The following OR4C6 variants were observed in gnomAD, a reference collection of about 807,000 sequenced individuals.
OR4C6 encodes the protein olfactory receptor 4C6.
Under a neutral mutation model 13.9 loss-of-function variants are expected in OR4C6, and 20 were observed. The ratio of observed to expected loss-of-function variants is 1.43; its 90% confidence interval spans 1.01 to 2.08. The LOEUF is 2.08. OR4C6 is among the 30% of genes most tolerant of loss of function. OR4C6 has a pLI of 0.00. For missense variants in OR4C6, 555 were observed against 381.2 expected (o/e 1.46, Z -3.80); for synonymous variants, 193 against 141.5 (o/e 1.36, Z -2.58).
rs770809572 is a variant in OR4C6 at position 55,665,543 on chromosome 11, A to G, written c.377A>G (p.Lys126Arg). Reference sequence around the variant, plus strand: ...TATGACCGCTACGTGGCCATCTGTAAGCCCCTGCACTACACGATCATCATG... The same window carrying G: ...TATGACCGCTACGTGGCCATCTGTAGGCCCCTGCACTACACGATCATCATG... ...MAYDRYVAIC[K>R]PLHYTIIMSP... Residue 126 changes from lysine (K) to arginine (R), a missense_variant, in exon 2 of 2, where the codon AAG (lysine) becomes AGG (arginine). Transcript: ENST00000314259. 4 of 1,613,854 alleles carry G rather than the reference A, an allele frequency of 2.5e-6. No homozygotes were observed. Among genetic ancestry groups the G allele is most frequent in the Non-Finnish European group, 3.4e-6 (4 of 1,180,002 alleles).
Position 55,665,339 on chromosome 11 carries a change from A to AT in OR4C6, c.180dup (p.Leu61SerfsTer59), listed in dbSNP as rs781182602. ...AGTCAGAGTCTGAGGTCACCTATGT[A>AT]TTTTTTTCTTACCTTCTTGTCCCTT... On this transcript the variant is annotated frameshift_variant, in exon 2 of 2. Coordinates refer to ENST00000314259, the MANE Select transcript of OR4C6 (RefSeq NM_001004704.2). LOFTEE classifies it high-confidence loss of function. 3.7e-6 allele frequency: 6 copies of AT among 1,613,428 alleles called. No homozygotes were observed. Among genetic ancestry groups the AT allele is most frequent in the Non-Finnish European group, 4.2e-6 (5 of 1,179,832 alleles).
In OR4C6 at chr11:55,665,559, G is replaced by T; in HGVS notation, c.393G>T (p.Thr131=). The change falls in exon 2 of 2, where the codon ACG becomes ACT. Residue 131 remains threonine (T), a synonymous_variant. Transcript: ENST00000314259. ...YVAICKPLHY[T]IIMSPRVCCL... Reference sequence around the variant, plus strand: ...CCATCTGTAAGCCCCTGCACTACACGATCATCATGAGTCCACGGGTGTGCT... The same window carrying T: ...CCATCTGTAAGCCCCTGCACTACACTATCATCATGAGTCCACGGGTGTGCT... The T allele has an allele frequency of 1.2e-6, 2 of 1,613,878 alleles. No homozygotes were observed. Among genetic ancestry groups the T allele is most frequent in the Non-Finnish European group, 1.7e-6 (2 of 1,180,000 alleles).
chr11:55,665,788 A>G lies in OR4C6; in HGVS notation c.622A>G (p.Ile208Val). ...CAACAGTGGGATGATGTGTGTGGCC[A>G]TCTTTCTTATCTTAATTGCGTCCTA... ...TLNSGMMCVA[I>V]FLILIASYTV... Residue 208 changes from isoleucine to valine, a missense_variant, in exon 2 of 2, where the codon ATC becomes GTC. Transcript: ENST00000314259. The G allele has an allele frequency of 6.2e-7, 1 of 1,613,938 alleles. No homozygotes were observed. The highest frequency in any genetic ancestry group is 1.1e-5 in the South Asian group (1 of 91,080).
Position 55,665,593 on chromosome 11 carries a change from G to A in OR4C6, c.427G>A (p.Val143Ile). ...GAGTCCACGGGTGTGCTGCCTAATG[G>A]TAGGAGGGGCTTGGGTGGGGGGATT... Reference protein sequence around the residue: ...IMSPRVCCLMVGGAWVGGFMH... With the variant: ...IMSPRVCCLMIGGAWVGGFMH... Residue 143 changes from valine to isoleucine, a missense_variant, in exon 2 of 2, where the codon GTA becomes ATA. Val to Ile is a conservative substitution (Grantham distance 29). Transcript: ENST00000314259. 6.2e-7 allele frequency: 1 copy of A among 1,613,910 alleles called. No individual in the cohort carries two copies. The highest frequency in any genetic ancestry group is 8.5e-7 in the Non-Finnish European group (1 of 1,179,992).
Position 55,665,157 on chromosome 11 carries a change from C to T in OR4C6, c.-10C>T. 1 of 1,574,080 alleles carries T rather than the reference C, an allele frequency of 6.4e-7. No individual in the cohort carries two copies. The highest frequency in any genetic ancestry group is 8.7e-7 in the Non-Finnish European group (1 of 1,149,748). On this transcript the variant is annotated 5_prime_UTR_variant, in exon 2 of 2. Transcript: ENST00000314259. ...AACTCTCAGCTGGAACTCATATCAA[C>T]ACCTGAGAAATGGAAAATCAAAACA...
intron 1 of OR4C6, 47 bp from the exon 2 acceptor site, chr11:55,665,078 A>G (rs1858718870): frequency 8.4e-6 from 7 of 831,482 alleles, no homozygotes; most frequent in Non-Finnish European, 1.3e-5. Flanking sequence ...TGGAAATACA[A>G]GAAGCCAAAT....
Position 55,665,851 on chromosome 11 carries a change from A to G in OR4C6, c.685A>G (p.Lys229Glu). 6.2e-7 allele frequency: 1 copy of G among 1,613,818 alleles called. No individual in the cohort carries two copies. The highest frequency in any genetic ancestry group is 2.2e-5 in the East Asian group (1 of 44,860). Residue 229 changes from lysine to glutamate, a missense_variant, in exon 2 of 2, where the codon AAA becomes GAA. Transcript: ENST00000314259. Reference sequence around the variant, plus strand: ...ATGCTCCCTGAAGTCTTACAGCTCTAAAGGGCGGCACAAAGCCCTCTCTAC... The same window carrying G: ...ATGCTCCCTGAAGTCTTACAGCTCTGAAGGGCGGCACAAAGCCCTCTCTAC... Reference protein sequence around the residue: ...ILCSLKSYSSKGRHKALSTCS... With the variant: ...ILCSLKSYSSEGRHKALSTCS...
rs202011136 is a variant in OR4C6 at position 55,665,575 on chromosome 11, C to A, written c.409C>A (p.Arg137=). ...GCACTACACGATCATCATGAGTCCA[C>A]GGGTGTGCTGCCTAATGGTAGGAGG... ...PLHYTIIMSP[R]VCCLMVGGAW... Residue 137 remains arginine (R), a synonymous_variant, in exon 2 of 2, where the codon CGG becomes AGG. Transcript: ENST00000314259. 3 of 1,613,888 alleles carry A rather than the reference C, an allele frequency of 1.9e-6. No homozygotes were observed. The highest frequency in any genetic ancestry group is 2.5e-6 in the Non-Finnish European group (3 of 1,179,984).
intron 1 of OR4C6, 58 bp downstream of exon 1, chr11:55,662,306 G>T (rs1370055196): frequency 7.2e-6 from 1 of 138,468 alleles, no homozygotes; most frequent in Non-Finnish European, 1.6e-5. Flanking sequence ...GGTAAAAGAT[G>T]ACAGTTAGAA....
chr11:55,664,143 C>G lies in OR4C6; in HGVS notation c.-42-982C>G, dbSNP rs575525366. On this transcript the variant is annotated intron_variant, in intron 1 of 1. Coordinates refer to ENST00000314259, the MANE Select transcript of OR4C6 (RefSeq NM_001004704.2). ...ATTTAACTCCTAAGGGCTTTGGTCT[C>G]TCTTTACGATGGGAGTAGTATAGGT... 2.6e-4 allele frequency among the ~76,000 whole-genome samples: 39 copies of G among 152,132 alleles called. No individual in the cohort carries two copies. In the South Asian group the frequency reaches 7.3e-3, roughly 28 times the overall value.
In OR4C6 at chr11:55,665,863, A is replaced by G; in HGVS notation, c.697A>G (p.Lys233Glu). The G allele has an allele frequency of 6.2e-7, 1 of 1,613,848 alleles. No homozygotes were observed. Among genetic ancestry groups the G allele is most frequent in the Non-Finnish European group, 8.5e-7 (1 of 1,179,972 alleles). ...LKSYSSKGRH[K>E]ALSTCSSHLT... ...GTCTTACAGCTCTAAAGGGCGGCAC[A>G]AAGCCCTCTCTACCTGCAGCTCCCA... Residue 233 changes from lysine to glutamate, a missense_variant, in exon 2 of 2, where the codon AAA becomes GAA. Physicochemically the swap from Lys to Glu is moderately conservative, Grantham distance 56 (BLOSUM62 1). Transcript: ENST00000314259.
Position 55,666,081 on chromosome 11 carries a change from T to C in OR4C6, c.915T>C (p.Ala305=), listed in dbSNP as rs754406794. The C allele has an allele frequency of 6.2e-7, 1 of 1,610,216 alleles. No individual in the cohort carries two copies. The highest frequency in any genetic ancestry group is 2.2e-5 in the East Asian group (1 of 44,830). The stretch of plus-strand genomic sequence containing the variant: ...AGAAACTCTGGATGAAATGGGAGGC[T>C]TTGGCTGGGAAATAACTGCAATGCT... ...AMKKLWMKWE[A]LAGK is the part of the protein sequence containing the mutation. The change falls in exon 2 of 2, where the codon GCT becomes GCC. Residue 305 remains alanine (A), a synonymous_variant. Transcript: ENST00000314259.
chr11:55,664,691 CA>C (rs56341855), intron 1 of OR4C6, among the ~76,000 whole-genome samples: 6,137 of 152,016 alleles, frequency 0.04, 178 homozygotes, highest in Non-Finnish European at 0.062. Flanking sequence ...ATATAAGGTC[CA>C]AATTCTAGCT....
Position 55,665,964 on chromosome 11 carries a change from C to A in OR4C6, c.798C>A (p.Asp266Glu), listed in dbSNP as rs776313625. 13 of 1,613,748 alleles carry A rather than the reference C, an allele frequency of 8.1e-6. No individual in the cohort carries two copies. The highest frequency in any genetic ancestry group is 9.3e-6 in the Non-Finnish European group (11 of 1,179,934). Reference sequence around the variant, plus strand: ...GGCCTGTGGTCACTCACCCCATAGACAAGGCAATGGCTGTGTCAGACTCAA... The same window carrying A: ...GGCCTGTGGTCACTCACCCCATAGAAAAGGCAATGGCTGTGTCAGACTCAA... ...YMRPVVTHPI[D>E]KAMAVSDSII... The change falls in exon 2 of 2, where the codon GAC becomes GAA. Residue 266 changes from aspartate to glutamate, a missense_variant. Coordinates refer to ENST00000314259, the MANE Select transcript of OR4C6 (RefSeq NM_001004704.2).
In OR4C6 at chr11:55,665,292, T is replaced by C. The variant is rs1254651681; in HGVS notation, c.126T>C (p.Leu42=). The change falls in exon 2 of 2, where the codon CTT becomes CTC. Residue 42 remains leucine (L), a synonymous_variant. Transcript: ENST00000314259. ...TAGCCACAGTGCTGGAAAATCTACT[T>C]ATTGTGGTAACTATTATCACAAGTC... ...MYVATVLENL[L]IVVTIITSQS... is the part of the protein sequence containing the mutation. 2 of 1,612,770 alleles carry C rather than the reference T, an allele frequency of 1.2e-6. No homozygotes were observed. Among genetic ancestry groups the C allele is most frequent in the East Asian group, 4.5e-5 (2 of 44,882 alleles).
rs1858680737 is a variant in OR4C6 at position 55,662,204 on chromosome 11, G to T, written c.-87G>T. The T allele has an allele frequency of 7.2e-6, 1 of 138,680 alleles. No homozygotes were observed. The highest frequency in any genetic ancestry group is 1.6e-5 in the Non-Finnish European group (1 of 62,444). 8.6% of individuals were successfully genotyped at this position (138,680 alleles called of 1,614,324 possible). ...TACCTACCGTGCAAGAACATGCCAT[G>T]AAGGTGGCTGATGGTGTGATTCAAG... On this transcript the variant is annotated 5_prime_UTR_variant, in exon 1 of 2. The change abolishes an upstream ATG in the 5' untranslated region. Transcript: ENST00000314259.
rs745349482 is a variant in OR4C6 at position 55,665,551 on chromosome 11, C to A, written c.385C>A (p.His129Asn). The change falls in exon 2 of 2, where the codon CAC becomes AAC. Residue 129 changes from histidine (H) to asparagine (N), a missense_variant. Transcript: ENST00000314259. ...CTACGTGGCCATCTGTAAGCCCCTG[C>A]ACTACACGATCATCATGAGTCCACG... Reference protein sequence around the residue: ...DRYVAICKPLHYTIIMSPRVC... With the variant: ...DRYVAICKPLNYTIIMSPRVC... The A allele has an allele frequency of 2.5e-6, 4 of 1,613,884 alleles. No individual in the cohort carries two copies. Among genetic ancestry groups the A allele is most frequent in the Middle Eastern group, 1.7e-4 (1 of 6,060 alleles).
intron 1 of OR4C6, 143 bp from the exon 2 acceptor site, chr11:55,664,982 A>C (rs1858717533): frequency 5.6e-6 from 3 of 533,012 alleles, no homozygotes; most frequent in South Asian, 5.5e-5. Flanking sequence ...TTCCCTTTTA[A>C]ATTATTTATT....
chr11:55,662,414 T>A (rs1462394027), intron 1 of OR4C6, among the ~76,000 whole-genome samples, 166 bp downstream of exon 1: 1 of 138,960 alleles, frequency 7.2e-6, no homozygotes, highest in Non-Finnish European at 1.6e-5. Context: ...CAGCATTATC[T>A]ATGTCCCACT....
Sources: allele counts gnomAD v4.1 joint callset (sites outside exome capture counted in the v4.1 genomes callset), GRCh38; gene constraint gnomAD v4.1.1; transcripts MANE v1.5; gene names NCBI Gene and HGNC (gene_info 2026-07-23, HGNC 2026-07-21).